KLF8: variants seen among roughly 807,000 people sequenced by gnomAD.
KLF8 encodes Krueppel-like factor 8.
In KLF8, 10 loss-of-function variants were observed where a neutral mutation model predicts 18.2. That is an observed-to-expected ratio of 0.55 (90% confidence interval 0.34 to 0.93). The LOEUF (loss-of-function observed/expected upper bound fraction) is 0.93. Ranked by LOEUF, KLF8 falls within the 40% of genes least tolerant of loss-of-function variation. The probability of loss-of-function intolerance (pLI) is 0.02; values close to 1 mark genes in which losing one functional copy is unlikely to be tolerated. For synonymous variants in KLF8, 109 were observed against 97.3 expected (o/e 1.12, Z -0.71); for missense variants, 264 against 277.9 (o/e 0.95, Z 0.36).
the KLF8 span, among the ~76,000 whole-genome samples, chrX:56,104,573 A>G: frequency 9.0e-6 from 1 of 111,286 alleles, no homozygotes; most frequent in African/African-American, 3.3e-5. Flanking sequence ...TCCCTTTATC[A>G]TTTTGATTGC....
At chrX:55,968,346 C>T in the KLF8 span, among the ~76,000 whole-genome samples, 1 of 111,623 alleles carries the variant, frequency 9.0e-6, no homozygotes, top group Non-Finnish European at 1.9e-5. Context: ...TTGTTTCCTA[C>T]AAGAAATATA....
chrX:56,241,949 G>A (rs892723937), intron 1 of KLF8, among the ~76,000 whole-genome samples: 1 of 112,171 alleles, frequency 8.9e-6, no homozygotes, highest in Non-Finnish European at 1.9e-5. Flanking sequence ...AGTATCTTGT[G>A]AGGTGAATGA....
At chrX:56,061,150 G>A in the KLF8 span, among the ~76,000 whole-genome samples, 5 of 111,421 alleles carry the variant, frequency 4.5e-5, no homozygotes, top group Admixed American at 9.5e-5. Context: ...AGGGTGTTTT[G>A]TGTCTCTATC....
At chrX:56,065,416 A>G in the KLF8 span, among the ~76,000 whole-genome samples, 1 of 111,787 alleles carries the variant, frequency 8.9e-6, no homozygotes, top group African/African-American at 3.2e-5. Flanking sequence ...TTAGTTCCAG[A>G]TTTTTTTATG....
the KLF8 span, among the ~76,000 whole-genome samples, chrX:56,217,540 G>A: frequency 3.6e-5 from 4 of 110,113 alleles, no homozygotes; most frequent in South Asian, 4.0e-4. Context: ...TCAGCCTCCC[G>A]AGTAGCTAGG....
the KLF8 span, among the ~76,000 whole-genome samples, chrX:56,044,420 A>G: frequency 2.7e-5 from 3 of 112,353 alleles, no homozygotes; most frequent in Admixed American, 1.9e-4. Flanking sequence ...AGTCAACTGA[A>G]CTACAGAGAT....
the KLF8 span, among the ~76,000 whole-genome samples, chrX:55,980,017 G>C: frequency 8.9e-5 from 10 of 112,003 alleles, no homozygotes; most frequent in East Asian, 2.2e-3. Flanking sequence ...GGCAGAAAAA[G>C]TTTTAAGGTG....
chrX:56,132,343 C>T, the KLF8 span, among the ~76,000 whole-genome samples: 213 of 111,441 alleles, frequency 1.9e-3, 2 homozygotes, highest in African/African-American at 6.7e-3. Flanking sequence ...ACCTTCAAGA[C>T]CATGAAAATA....
At chrX:56,161,885 C>T in the KLF8 span, among the ~76,000 whole-genome samples, 1 of 110,875 alleles carries the variant, frequency 9.0e-6, no homozygotes, top group Non-Finnish European at 1.9e-5. Flanking sequence ...TCTGTTTTTT[C>T]CCCATCTTTG....
At chrX:56,163,959 C>T in the KLF8 span, among the ~76,000 whole-genome samples, 3 of 111,667 alleles carry the variant, frequency 2.7e-5, no homozygotes, top group Non-Finnish European at 5.6e-5. Context: ...TGGTCTATGT[C>T]TCTGTCTTTG....
At chrX:56,269,636 A>G in intron 4 of KLF8, 147 bp downstream of exon 4, 1 of 977,307 alleles carries the variant, frequency 1.0e-6, no homozygotes, top group Non-Finnish European at 1.3e-6. Flanking sequence ...CTGCCTTTCC[A>G]GTGAAAGTAT....
intron 1 of KLF8, among the ~76,000 whole-genome samples, chrX:56,237,755 C>A (rs187198179): frequency 1.1e-3 from 123 of 111,942 alleles, no homozygotes; most frequent in Non-Finnish European, 1.9e-3. Context: ...GACTGAGTGG[C>A]TTAAACAACA....
chrX:56,175,075 G>T, the KLF8 span, among the ~76,000 whole-genome samples: 16 of 110,130 alleles, frequency 1.5e-4, no homozygotes, highest in South Asian at 3.9e-4. Context: ...TTTTTGAAGG[G>T]TTTTTTTTGT....
the KLF8 span, among the ~76,000 whole-genome samples, chrX:56,038,267 G>A: frequency 1.2e-4 from 13 of 111,277 alleles, no homozygotes; most frequent in Admixed American, 2.9e-4. Context: ...GTGCAGATCC[G>A]TTACATAAGT....
chrX:56,262,344 C>T (rs949037952), intron 2 of KLF8, among the ~76,000 whole-genome samples: 2 of 111,790 alleles, frequency 1.8e-5, no homozygotes, highest in African/African-American at 3.3e-5. Flanking sequence ...GATGTTCCTA[C>T]GTAATGTTTT....
chrX:55,950,235 T>G, the KLF8 span, among the ~76,000 whole-genome samples: 2 of 110,512 alleles, frequency 1.8e-5, no homozygotes, highest in Non-Finnish European at 3.8e-5. Flanking sequence ...ATGTGGCACA[T>G]CTAATAGAGA....
chrX:56,099,278 G>A, the KLF8 span, among the ~76,000 whole-genome samples: 1 of 111,010 alleles, frequency 9.0e-6, no homozygotes, highest in Non-Finnish European at 1.9e-5. Context: ...TTTGTTTGGG[G>A]CACCAAGAAC....
At chrX:56,031,270 C>T in the KLF8 span, among the ~76,000 whole-genome samples, 4 of 111,808 alleles carry the variant, frequency 3.6e-5, no homozygotes, top group African/African-American at 1.3e-4. Flanking sequence ...ACACCTTTAT[C>T]GTTTATACCA....
At chrX:55,958,925 C>A in the KLF8 span, among the ~76,000 whole-genome samples, 4 of 112,333 alleles carry the variant, frequency 3.6e-5, no homozygotes, top group South Asian at 1.1e-3. Context: ...CTGACATGCA[C>A]ATGTGTGAGG....
Sources: gnomAD v4.1 joint callset for allele counts (sites outside exome capture counted in the v4.1 genomes callset) on GRCh38, gnomAD v4.1.1 for gene constraint, MANE v1.5 for transcripts, NCBI Gene and HGNC (gene_info 2026-07-23, HGNC 2026-07-21) for gene names.